The following PAPLN variants were observed in gnomAD, a reference collection of about 807,000 sequenced individuals.
The protein encoded by PAPLN is papilin.
PAPLN carries 146 observed loss-of-function variants against 159.0 expected under a neutral mutation model. That is an observed-to-expected ratio of 0.92 (90% CI 0.80 to 1.05). PAPLN has a LOEUF of 1.05. PAPLN is among the 50% of genes least tolerant of loss of function. The pLI, the probability that PAPLN is intolerant of heterozygous loss-of-function variation, is 0.00. For missense variants in PAPLN, 1,720 were observed against 1,743.9 expected (o/e 0.99, Z 0.24); for synonymous variants, 734 against 702.9 (o/e 1.04, Z -0.70).
intron 1 of PAPLN, 49 bp from the exon 2 acceptor site, chr14:73,239,724 G>A (rs1308453708): frequency 6.5e-7 from 1 of 1,537,072 alleles, no homozygotes; most frequent in African/African-American, 1.4e-5. Context: ...CCGCGCCCAG[G>A]ACAGCTGCGG....
chr14:73,236,742 G>A (rs1883052138), upstream of PAPLN, among the ~76,000 whole-genome samples: 1 of 151,738 alleles, frequency 6.6e-6, no homozygotes, highest in Admixed American at 6.6e-5. Flanking sequence ...CTTGAACCCA[G>A]GAGGCGGAGG....
In PAPLN at chr14:73,260,714, G is replaced by GGT; in HGVS notation, c.1993_1994dup (p.Cys666AlafsTer137). The GGT allele has an allele frequency of 2.0e-6, 3 of 1,463,750 alleles. No homozygotes were observed. The highest frequency in any genetic ancestry group is 2.7e-6 in the Non-Finnish European group (3 of 1,111,442). 90.7% of individuals were successfully genotyped at this position (1,463,750 alleles called of 1,614,324 possible). Reference sequence around the variant, plus strand: ...GCTGTGTGATGTCTGCCTAGGTACGGGTGCTGCCCTGACAGGGTATCTGTC... The same window carrying GGT: ...GCTGTGTGATGTCTGCCTAGGTACGGGTGTGCTGCCCTGACAGGGTATCTGTC... On this transcript the variant is annotated frameshift_variant, in exon 17 of 27. Coordinates refer to ENST00000644200, the MANE Select transcript of PAPLN (RefSeq NM_001365906.3). LOFTEE classifies it high-confidence loss of function.
At chr14:73,257,731 T>G (rs530362105) in intron 14 of PAPLN, among the ~76,000 whole-genome samples, 1 of 151,292 alleles carries the variant, frequency 6.6e-6, no homozygotes, top group African/African-American at 2.4e-5. Context: ...TATTTGTGTT[T>G]TCATTATCTA....
intron 19 of PAPLN, chr14:73,263,048 C>T (rs1258567555): frequency 2.3e-6 from 1 of 428,972 alleles, no homozygotes; most frequent in Admixed American, 4.0e-5. Context: ...GACATCTGTG[C>T]AGATGGTGGC....
rs1311455488 is a variant in PAPLN, at chr14:73,245,346, T to C, written c.171-290T>C. ...CTGTGCCAAGCGGGTGGGTATTATATCTCATGCACCTCGGGTCTTCTCTGG... is the reference window on the plus strand; with the variant it reads ...CTGTGCCAAGCGGGTGGGTATTATACCTCATGCACCTCGGGTCTTCTCTGG... On this transcript the variant is annotated intron_variant, in intron 3 of 26. Coordinates refer to ENST00000644200, the MANE Select transcript of PAPLN (RefSeq NM_001365906.3). The surrounding 1 kb of genome is among the most constrained non-coding windows in gnomAD (Gnocchi z 4.2). 2.2e-6 allele frequency: 1 copy of C among 456,554 alleles called. No homozygotes were observed. Among genetic ancestry groups the C allele is most frequent in the Non-Finnish European group, 4.0e-6 (1 of 250,706 alleles). 28.3% of individuals were successfully genotyped at this position (456,554 alleles called of 1,614,324 possible).
Position 73,252,927 on chromosome 14 carries a change from CT to C in PAPLN, c.1094+154del, listed in dbSNP as rs1055408892. On this transcript the variant is annotated intron_variant, in intron 11 of 26. Coordinates refer to ENST00000644200, the MANE Select transcript of PAPLN (RefSeq NM_001365906.3). ...CTGGGGTGTGGGAGAGGTGGCAGCT[CT>C]TCCTGGGGGAGGCAGAGAATAGGCC... 4 of 1,357,294 alleles carry C rather than the reference CT, an allele frequency of 2.9e-6. No homozygotes were observed. In the African/African-American group the frequency reaches 5.8e-5, roughly 20 times the overall value. The allele number at this position is 1,357,294 out of a possible 1,614,324, so 84.1% of individuals were successfully genotyped here.
At chr14:73,253,261 G>A (rs761602032) in intron 11 of PAPLN, 16 of 1,355,148 alleles carry the variant, frequency 1.2e-5, no homozygotes, top group South Asian at 5.7e-5. Flanking sequence ...CGCAGGGCTG[G>A]TGCCACCCTG....
chr14:73,272,042 T>C (rs1887780200), intron 26 of PAPLN: 1 of 153,362 alleles, frequency 6.5e-6, no homozygotes, highest in South Asian at 2.1e-4. Flanking sequence ...CTTTGATGGT[T>C]GGAGGAACCC....
rs938912916 is a variant in PAPLN at position 73,254,783 on chromosome 14, C to T, written c.1485+88C>T. ...GAGCGCCGTCCTTGGACCTGACACG[C>T]GCCACTGGGCACCTTCCCCTGCCTC... On this transcript the variant is annotated intron_variant, in intron 13 of 26. Coordinates refer to ENST00000644200, the MANE Select transcript of PAPLN (RefSeq NM_001365906.3). The T allele has an allele frequency of 2.0e-5, 32 of 1,588,358 alleles. No homozygotes were observed. The Admixed American group carries it at 2.4e-4, about 12-fold the overall frequency.
chr14:73,255,848 G>T (rs541797799), intron 14 of PAPLN, among the ~76,000 whole-genome samples: 18 of 152,198 alleles, frequency 1.2e-4, no homozygotes, highest in Non-Finnish European at 1.2e-4. Context: ...CTTGGGTTCC[G>T]ATCCACTCCG....
intron 11 of PAPLN, chr14:73,253,232 C>T (rs779275702): frequency 7.4e-7 from 1 of 1,358,512 alleles, no homozygotes; most frequent in Non-Finnish European, 9.7e-7. Flanking sequence ...AACAGGTAAC[C>T]TGCAGGTCAC....
chr14:73,245,433 G>T lies in PAPLN; in HGVS notation c.171-203G>T. ...AAATCCAAACTATAGGGTGGGTAGG[G>T]CTCTGAGTCCCGCTTCTCTGGAGTA... On this transcript the variant is annotated intron_variant, in intron 3 of 26. Transcript: ENST00000644200. This position sits in a 1 kb window ranked among gnomAD's most constrained non-coding sequence, Gnocchi z 4.2. 1 of 590,122 alleles carries T rather than the reference G, an allele frequency of 1.7e-6. No individual in the cohort carries two copies. Among genetic ancestry groups the T allele is most frequent in the South Asian group, 2.0e-5 (1 of 49,180 alleles). The allele number at this position is 590,122 out of a possible 1,614,324, so 36.6% of individuals were successfully genotyped here. A position where few individuals can be genotyped will look rare whatever the true frequency, so the allele number is the denominator to read the frequency against.
chr14:73,272,342 C>G, intron 26 of PAPLN, 153 bp from the exon 27 acceptor site: 1 of 631,044 alleles, frequency 1.6e-6, no homozygotes, highest in Non-Finnish European at 2.6e-6. Flanking sequence ...AGAGTTTGTA[C>G]GTATGGTTAA....
Position 73,254,648 on chromosome 14 carries a change from T to C in PAPLN, c.1438T>C (p.Cys480Arg). Residue 480 changes from cysteine (C) to arginine (R), a missense_variant, in exon 13 of 27, where the codon TGC becomes CGC. Physicochemically the swap from Cys to Arg is radical, Grantham distance 180. Coordinates refer to ENST00000644200, the MANE Select transcript of PAPLN (RefSeq NM_001365906.3). ...GACTGAGCCCTGTGTGCATGAGGAC[T>C]GCCCCCTCCTCAGTGACCAGGCCTG... ...PLTEPCVHED[C>R]PLLSDQAWHV... is the part of the protein sequence containing the mutation. The C allele has an allele frequency of 1.2e-6, 2 of 1,614,026 alleles. No individual in the cohort carries two copies. Among genetic ancestry groups the C allele is most frequent in the Non-Finnish European group, 1.7e-6 (2 of 1,179,920 alleles).
At position 73,262,799 on chromosome 14, in the gene PAPLN, G is replaced by A. The variant is rs1162159254; in HGVS notation, c.2695G>A (p.Ala899Thr). The change falls in exon 19 of 27, where the codon GCG (alanine) becomes ACG (threonine). Residue 899 changes from alanine (A) to threonine (T), a missense_variant. Transcript: ENST00000644200. ...ACTGGGTGGAGATGCCGGATCACCAGCGCCACCCTTCCACAGCTCCTCCTA... is the reference window on the plus strand; with the variant it reads ...ACTGGGTGGAGATGCCGGATCACCAACGCCACCCTTCCACAGCTCCTCCTA... ...PGLGGDAGSP[A>T]PPFHSSSYRI... 2 of 1,495,714 alleles carry A rather than the reference G, an allele frequency of 1.3e-6. No individual in the cohort carries two copies. The highest frequency in any genetic ancestry group is 1.8e-6 in the Non-Finnish European group (2 of 1,127,328). The allele number at this position is 1,495,714 out of a possible 1,614,324, so 92.7% of individuals were successfully genotyped here. A position where few individuals can be genotyped will look rare whatever the true frequency, so the allele number is the denominator to read the frequency against.
intron 16 of PAPLN, among the ~76,000 whole-genome samples, chr14:73,259,897 C>G (rs930244021): frequency 1.2e-4 from 18 of 152,302 alleles, no homozygotes; most frequent in African/African-American, 4.3e-4. Context: ...GAGGGCCAAC[C>G]AACTCCTCAC....
intron 12 of PAPLN, 75 bp from the exon 13 acceptor site, chr14:73,254,438 G>A: frequency 6.4e-7 from 1 of 1,555,730 alleles, no homozygotes; most frequent in East Asian, 2.2e-5. Context: ...CCAGGCTGGT[G>A]GGCCGCTAGC....
intron 5 of PAPLN, among the ~76,000 whole-genome samples, chr14:73,247,663 CGTGTGTGTGT>C (rs148614929): frequency 2.2e-5 from 1 of 44,488 alleles, no homozygotes; most frequent in African/African-American, 1.2e-4. Flanking sequence ...TGTGTGTGTG[CGTGTGTGTGT>C]GTGTGTGTTG....
intron 5 of PAPLN, among the ~76,000 whole-genome samples, chr14:73,246,581 CGCTT>C (rs912947755): frequency 4.0e-5 from 6 of 150,488 alleles, no homozygotes; most frequent in Admixed American, 1.3e-4. Context: ...CGTTCTCTCT[CGCTT>C]GCTCTTTTTT....
Sources: allele counts gnomAD v4.1 joint callset (sites outside exome capture counted in the v4.1 genomes callset), GRCh38; gene constraint gnomAD v4.1.1; non-coding constraint Gnocchi (gnomAD v3.1); transcripts MANE v1.5; gene names NCBI Gene and HGNC (gene_info 2026-07-23, HGNC 2026-07-21).